The following SYT1 variants were observed in gnomAD, a reference collection of about 807,000 sequenced individuals.
SYT1 encodes the protein synaptotagmin 1.
A neutral mutation model predicts 44.8 loss-of-function variants in SYT1; 8 were observed. The ratio of observed to expected loss-of-function variants is 0.18; its 90% confidence interval spans 0.10 to 0.32. The LOEUF (loss-of-function observed/expected upper bound fraction) is 0.32, where lower values mean the gene tolerates loss of function less well. SYT1 is among the 10% of genes least tolerant of loss of function. SYT1 has a pLI of 1.00. For synonymous variants in SYT1, 154 were observed against 188.8 expected (o/e 0.82, Z 1.51); for missense variants, 286 against 509.3 (o/e 0.56, Z 4.22).
intron 3 of SYT1, among the ~76,000 whole-genome samples, chr12:79,104,700 A>C (rs1054015469): frequency 1.3e-5 from 2 of 151,850 alleles, no homozygotes; most frequent in Admixed American, 6.6e-5. Context: ...ATACTAGATA[A>C]ATTAGGTAAG....
chr12:79,195,826 T>G (rs1873418310), intron 3 of SYT1, among the ~76,000 whole-genome samples: 1 of 152,222 alleles, frequency 6.6e-6, no homozygotes, highest in Non-Finnish European at 1.5e-5. Flanking sequence ...TTTTCCTGTT[T>G]TTATAAAATT....
At chr12:78,983,450 A>G (rs998856407) in intron 2 of SYT1, among the ~76,000 whole-genome samples, 2 of 152,078 alleles carry the variant, frequency 1.3e-5, no homozygotes, top group Non-Finnish European at 2.9e-5. Flanking sequence ...TGCATTTTCT[A>G]TATTAAGTTG....
In SYT1 at chr12:79,154,214, A is replaced by C. The variant is rs546428616; in HGVS notation, c.-17-63289A>C. Among the ~76,000 whole-genome samples, 5 of 152,242 alleles carry C rather than the reference A, an allele frequency of 3.3e-5. No homozygotes were observed. In the South Asian group the frequency reaches 1.0e-3, roughly 32 times the overall value. ...TTAAAGAGCCACTGAAGAGCTCTTC[A>C]GAAGCTCTTCAATTTCAGAAGCTCT... On this transcript the variant is annotated intron_variant, in intron 3 of 10. Transcript: ENST00000261205.
At chr12:79,307,123 T>G (rs1321341006) in intron 8 of SYT1, among the ~76,000 whole-genome samples, 1 of 152,178 alleles carries the variant, frequency 6.6e-6, no homozygotes, top group Non-Finnish European at 1.5e-5. Flanking sequence ...GGCCAAATGT[T>G]TGTGCTGTAA....
intron 9 of SYT1, among the ~76,000 whole-genome samples, chr12:79,410,232 A>G (rs1868359858): frequency 6.6e-6 from 1 of 152,134 alleles, no homozygotes; most frequent in Non-Finnish European, 1.5e-5. Context: ...ACAGGGTACA[A>G]ATTACATTGT....
intron 3 of SYT1, among the ~76,000 whole-genome samples, chr12:79,192,209 A>G (rs993019380): frequency 6.6e-6 from 1 of 152,196 alleles, no homozygotes; most frequent in Admixed American, 6.5e-5. Flanking sequence ...TGTGTGTTTT[A>G]GTGAAAAGAG....
chr12:78,960,992 A>G (rs182060445), intron 1 of SYT1, among the ~76,000 whole-genome samples: 1 of 152,252 alleles, frequency 6.6e-6, no homozygotes, highest in Admixed American at 6.5e-5. Context: ...TTCTTCAAAA[A>G]CACGTATATA....
chr12:78,893,771 G>A (rs945805380), intron 1 of SYT1, among the ~76,000 whole-genome samples: 3 of 151,644 alleles, frequency 2.0e-5, no homozygotes, highest in African/African-American at 7.3e-5. Context: ...AAACCATGGT[G>A]CAGTGTTAAT....
At chr12:79,014,847 G>A (rs1422031281) in intron 2 of SYT1, among the ~76,000 whole-genome samples, 2 of 151,636 alleles carry the variant, frequency 1.3e-5, no homozygotes, top group African/African-American at 2.4e-5. Context: ...TTAAGAAAAT[G>A]TGGCACATAT....
chr12:79,093,443 A>G (rs1877914232), intron 3 of SYT1, among the ~76,000 whole-genome samples: 1 of 151,770 alleles, frequency 6.6e-6, no homozygotes, highest in South Asian at 2.1e-4. Flanking sequence ...AAGACAGTAT[A>G]AAGCATAGGA....
At chr12:79,179,183 G>GAT (rs1246455301) in intron 3 of SYT1, among the ~76,000 whole-genome samples, 3 of 32,588 alleles carry the variant, frequency 9.2e-5, no homozygotes, top group African/African-American at 2.0e-4. Flanking sequence ...TAGATATATA[G>GAT]ATATAGATAT....
intron 3 of SYT1, among the ~76,000 whole-genome samples, chr12:79,140,910 A>G (rs1869517736): frequency 6.6e-6 from 1 of 152,032 alleles, no homozygotes; most frequent in African/African-American, 2.4e-5. Flanking sequence ...TCTAGTCACT[A>G]CCTCACCCTG....
intron 1 of SYT1, among the ~76,000 whole-genome samples, chr12:78,903,849 A>T (rs1875804321): frequency 6.6e-6 from 1 of 152,032 alleles, no homozygotes; most frequent in Non-Finnish European, 1.5e-5. Flanking sequence ...GAATTTTCTT[A>T]TAGTTTTTGA....
At chr12:78,870,080 G>A (rs903861047) in intron 1 of SYT1, among the ~76,000 whole-genome samples, 62 of 152,030 alleles carry the variant, frequency 4.1e-4, no homozygotes, top group Non-Finnish European at 1.3e-4. Context: ...CATGTAGAAC[G>A]GGAATGGCCT....
intron 1 of SYT1, among the ~76,000 whole-genome samples, chr12:78,948,532 A>AGCT (rs1337906687): frequency 6.6e-6 from 1 of 152,038 alleles, no homozygotes; most frequent in Non-Finnish European, 1.5e-5. Context: ...ATAATTCTAT[A>AGCT]AAATGAAGCC....
intron 3 of SYT1, among the ~76,000 whole-genome samples, chr12:79,055,888 C>G (rs1874897621): frequency 6.6e-6 from 1 of 151,784 alleles, no homozygotes; most frequent in African/African-American, 2.4e-5. Context: ...CATGTACCAC[C>G]TAACAAATTT....
intron 9 of SYT1, among the ~76,000 whole-genome samples, chr12:79,412,138 A>T (rs1047997593): frequency 6.6e-6 from 1 of 152,056 alleles, no homozygotes; most frequent in African/African-American, 2.4e-5. Flanking sequence ...TGACCTTTTG[A>T]TTTGGGGTTT....
chr12:79,198,092 G>C (rs1417284069), intron 3 of SYT1, among the ~76,000 whole-genome samples: 2 of 152,048 alleles, frequency 1.3e-5, no homozygotes, highest in East Asian at 1.9e-4. Context: ...AAATCTTGTA[G>C]AAATTTGTTA....
chr12:79,020,440 A>G (rs1418481768), intron 2 of SYT1, among the ~76,000 whole-genome samples: 4 of 151,942 alleles, frequency 2.6e-5, no homozygotes, highest in Non-Finnish European at 5.9e-5. Context: ...CTCTCTGAAA[A>G]AGAAGAAAAT....
Sources: allele counts gnomAD v4.1 joint callset (sites outside exome capture counted in the v4.1 genomes callset), GRCh38; gene constraint gnomAD v4.1.1; transcripts MANE v1.5; gene names NCBI Gene and HGNC (gene_info 2026-07-23, HGNC 2026-07-21).